The following PHF21A variants were observed in gnomAD, a reference collection of about 807,000 sequenced individuals.
The protein encoded by PHF21A is BHC80a.
PHF21A carries 11 observed loss-of-function variants against 82.5 expected under a neutral mutation model. The ratio of observed to expected loss-of-function variants is 0.13; its 90% CI spans 0.08 to 0.22. The LOEUF is 0.22. PHF21A is among the 10% of genes least tolerant of loss of function. The pLI, the probability that PHF21A is intolerant of heterozygous loss-of-function variation, is 1.00. For synonymous variants in PHF21A, 297 were observed against 302.8 expected (o/e 0.98, Z 0.20); for missense variants, 579 against 837.8 (o/e 0.69, Z 3.81).
intron 14 of PHF21A, among the ~76,000 whole-genome samples, chr11:45,946,949 G>A (rs2091390317): frequency 6.6e-6 from 1 of 152,276 alleles, no homozygotes; most frequent in Admixed American, 6.5e-5. Flanking sequence ...GATGCTCTGG[G>A]CTTAGCAATT....
chr11:46,012,018 T>C (rs1230858932), intron 6 of PHF21A, among the ~76,000 whole-genome samples: 1 of 152,202 alleles, frequency 6.6e-6, no homozygotes, highest in Non-Finnish European at 1.5e-5. Context: ...GGACCCATGA[T>C]AAACCACTTC....
At chr11:45,981,747 T>C (rs1052655467) in intron 6 of PHF21A, among the ~76,000 whole-genome samples, 2 of 152,186 alleles carry the variant, frequency 1.3e-5, no homozygotes, top group African/African-American at 4.8e-5. Flanking sequence ...AATTCTCAAA[T>C]GCCTGCTTAT....
chr11:46,035,736 T>G (rs2095987060), intron 6 of PHF21A, among the ~76,000 whole-genome samples: 2 of 152,090 alleles, frequency 1.3e-5, no homozygotes, highest in South Asian at 4.2e-4. Context: ...GAACAGTGTC[T>G]CAGAAGGGAG....
chr11:46,030,478 T>C (rs1162688771), intron 6 of PHF21A, among the ~76,000 whole-genome samples: 1 of 152,172 alleles, frequency 6.6e-6, no homozygotes, highest in Non-Finnish European at 1.5e-5. Flanking sequence ...ACCAGCATTT[T>C]AAAAAGATCC....
chr11:46,054,344 G>A (rs2096417472), intron 6 of PHF21A, among the ~76,000 whole-genome samples: 1 of 152,094 alleles, frequency 6.6e-6, no homozygotes, highest in African/African-American at 2.4e-5. Flanking sequence ...ACAACATACA[G>A]ATTTGTCCCC....
intron 6 of PHF21A, among the ~76,000 whole-genome samples, chr11:46,046,530 G>C (rs1592448790): frequency 1.3e-5 from 2 of 152,096 alleles, no homozygotes; most frequent in East Asian, 3.8e-4. Context: ...TTTGGGTCAG[G>C]CTTCACTCTG....
chr11:46,062,256 GACATT>G (rs2096544446), intron 6 of PHF21A, among the ~76,000 whole-genome samples: 1 of 151,922 alleles, frequency 6.6e-6, no homozygotes, highest in African/African-American at 2.4e-5. Flanking sequence ...TCGGTTGTGG[GACATT>G]TCCTTATATT....
chr11:45,996,952 A>G (rs1016972988), intron 6 of PHF21A, among the ~76,000 whole-genome samples: 3 of 152,268 alleles, frequency 2.0e-5, no homozygotes, highest in Non-Finnish European at 2.9e-5. Context: ...TCTATGGTAC[A>G]GTGAATGTGA....
intron 6 of PHF21A, among the ~76,000 whole-genome samples, chr11:45,981,205 G>A (rs1475758667): frequency 1.3e-5 from 2 of 151,808 alleles, no homozygotes; most frequent in African/African-American, 4.8e-5. Flanking sequence ...GGCCAACATG[G>A]TGAAACCCCA....
At chr11:46,047,633 T>C (rs2139026874) in intron 6 of PHF21A, among the ~76,000 whole-genome samples, 1 of 152,306 alleles carries the variant, frequency 6.6e-6, no homozygotes, top group African/African-American at 2.4e-5. Context: ...AGATATTATT[T>C]TTTCTTTGCA....
chr11:46,104,965 TGAGAA>T (rs778223353), intron 1 of PHF21A, among the ~76,000 whole-genome samples: 1 of 152,236 alleles, frequency 6.6e-6, no homozygotes, highest in Non-Finnish European at 1.5e-5. Flanking sequence ...TCTCAATCCT[TGAGAA>T]GAGAAGAAAG....
chr11:45,954,242 C>T (rs2092443310), intron 10 of PHF21A, among the ~76,000 whole-genome samples: 1 of 152,116 alleles, frequency 6.6e-6, no homozygotes, highest in Non-Finnish European at 1.5e-5. Flanking sequence ...GGTGATCCAC[C>T]CACCTCAGCC....
rs1375485717 is a variant in PHF21A at position 46,070,191 on chromosome 11, C to T, written c.153+6563G>A. Among the ~76,000 whole-genome samples, 4 of 152,128 alleles carry T rather than the reference C, an allele frequency of 2.6e-5. No individual in the cohort carries two copies. In the East Asian group the frequency reaches 7.7e-4, roughly 29 times the overall value. On this transcript the variant is annotated intron_variant, in intron 6 of 18. Transcript: ENST00000676320. ...TATAGGAGGGACAGAAACTTCTTTC[C>T]CAAAAGCTTCAGAATCTTGTATTAA... is the stretch of plus-strand genomic sequence containing the variant.
chr11:45,942,583 T>A (rs2090555540), intron 15 of PHF21A, among the ~76,000 whole-genome samples: 1 of 152,158 alleles, frequency 6.6e-6, no homozygotes, highest in Non-Finnish European at 1.5e-5. Context: ...ATGCCAAAAG[T>A]CAGGAAAGCG....
chr11:45,969,560 T>C (rs978485202), intron 9 of PHF21A, among the ~76,000 whole-genome samples: 1 of 152,268 alleles, frequency 6.6e-6, no homozygotes, highest in Non-Finnish European at 1.5e-5. Context: ...TTAAGGTTTA[T>C]AATGGTTTTA....
At chr11:46,089,596 A>AT (rs1420734671) in intron 3 of PHF21A, among the ~76,000 whole-genome samples, 2 of 151,986 alleles carry the variant, frequency 1.3e-5, no homozygotes. Flanking sequence ...AACCCTCTGA[A>AT]TGTGGTAAGG....
At chr11:46,008,522 G>A (rs915466465) in intron 6 of PHF21A, among the ~76,000 whole-genome samples, 2 of 152,106 alleles carry the variant, frequency 1.3e-5, no homozygotes, top group African/African-American at 4.8e-5. Context: ...ATGGGTCAAA[G>A]GTAGAAGACG....
chr11:46,060,704 G>C (rs750327073), intron 6 of PHF21A, among the ~76,000 whole-genome samples: 1 of 152,154 alleles, frequency 6.6e-6, no homozygotes, highest in East Asian at 1.9e-4. Flanking sequence ...GTTCCATATA[G>C]ATGCTGGATA....
At chr11:45,944,085 A>G (rs1365120757) in intron 15 of PHF21A, among the ~76,000 whole-genome samples, 1 of 152,236 alleles carries the variant, frequency 6.6e-6, no homozygotes, top group Non-Finnish European at 1.5e-5. Flanking sequence ...TGGACCCTGA[A>G]GCAGGAAAAA....
Sources: allele counts gnomAD v4.1 joint callset (sites outside exome capture counted in the v4.1 genomes callset), GRCh38; gene constraint gnomAD v4.1.1; transcripts MANE v1.5; gene names NCBI Gene and HGNC (gene_info 2026-07-23, HGNC 2026-07-21).